The following AHNAK variants were observed in gnomAD, a reference collection of about 807,000 sequenced individuals.
The protein encoded by AHNAK is AHNAK nucleoprotein.
A neutral mutation model predicts 37.8 loss-of-function variants in AHNAK; 23 were observed. The observed-to-expected ratio is 0.61, with a 90% CI of 0.44 to 0.86. AHNAK has a LOEUF of 0.86. Ranked by LOEUF, AHNAK falls within the 40% of genes least tolerant of loss-of-function variation. The probability of loss-of-function intolerance (pLI) is 0.00; values close to 1 mark genes in which losing one functional copy is unlikely to be tolerated. For missense variants in AHNAK, 7,411 were observed against 7,319.4 expected (o/e 1.01, Z -0.46); for synonymous variants, 2,481 against 2,636.3 (o/e 0.94, Z 1.80).
intron 4 of AHNAK, among the ~76,000 whole-genome samples, chr11:62,504,117 C>T (rs1939763592): frequency 1.3e-5 from 2 of 151,964 alleles, no homozygotes; most frequent in South Asian, 4.2e-4. Flanking sequence ...GCCAAGATCA[C>T]ACCACTGCAC....
intron 5 of AHNAK, among the ~76,000 whole-genome samples, chr11:62,442,054 A>G (rs779892412): frequency 2.2e-4 from 33 of 152,194 alleles, no homozygotes; most frequent in Non-Finnish European, 4.1e-4. Context: ...TGGAGCTGCC[A>G]TCATACAGAA....
rs141172382 is a variant in AHNAK at position 62,528,585 on chromosome 11, C to A, written c.5832G>T (p.Val1944=). 2,695 of 1,611,980 alleles carry A rather than the reference C, an allele frequency of 1.7e-3. 47 individuals are homozygous for A. In the African/African-American group the frequency reaches 0.03, roughly 18 times the overall value. ...PKVKGDVDVS[V]PKLEGDLTGP... ...CTGTTAAATCTCCCTCCAATTTTGG[C>A]ACCGACACATCCACATCCCCTTTGA... Residue 1944 remains valine (V), a synonymous_variant, in exon 5 of 5, where the codon GTG becomes GTT. Transcript: ENST00000378024.
chr11:62,507,374 AAACT>A (rs2134179176), intron 4 of AHNAK, among the ~76,000 whole-genome samples: 1 of 152,376 alleles, frequency 6.6e-6, no homozygotes, highest in Admixed American at 6.5e-5. Context: ...TGCCTCACAC[AAACT>A]AAGAGTATAT....
chr11:62,454,412 CAAA>C (rs5792260), intron 5 of AHNAK, among the ~76,000 whole-genome samples: 66 of 126,128 alleles, frequency 5.2e-4, no homozygotes, highest in Admixed American at 6.2e-4. Context: ...GACTCCATCT[CAAA>C]AAAAAAAAAA....
intron 5 of AHNAK, among the ~76,000 whole-genome samples, chr11:62,448,058 G>A (rs1938454750): frequency 6.6e-6 from 1 of 152,032 alleles, no homozygotes; most frequent in Non-Finnish European, 1.5e-5. Context: ...GCCACGCAAA[G>A]GCAAGGACGA....
At chr11:62,446,411 CACCCATG>C (rs1938423818) in intron 5 of AHNAK, among the ~76,000 whole-genome samples, 1 of 152,188 alleles carries the variant, frequency 6.6e-6, no homozygotes, top group Non-Finnish European at 1.5e-5. Flanking sequence ...ATAATAGCCA[CACCCATG>C]ACTATATACT....
At chr11:62,542,516 G>A (rs1167136665) in intron 1 of AHNAK, among the ~76,000 whole-genome samples, 1 of 151,654 alleles carries the variant, frequency 6.6e-6, no homozygotes, top group Admixed American at 6.6e-5. Context: ...TCAGCCAGCT[G>A]GTTGCTTTCT....
chr11:62,445,874 G>A (rs558735383), intron 5 of AHNAK, among the ~76,000 whole-genome samples: 1 of 152,182 alleles, frequency 6.6e-6, no homozygotes, highest in South Asian at 2.1e-4. Flanking sequence ...AAGTTAGCTG[G>A]GCGTGGTAGC....
In AHNAK at chr11:62,521,693, C is replaced by T. The variant is rs1940250371; in HGVS notation, c.12724G>A (p.Gly4242Ser). The T allele has an allele frequency of 6.2e-7, 1 of 1,613,942 alleles. No individual in the cohort carries two copies. The highest frequency in any genetic ancestry group is 8.5e-7 in the Non-Finnish European group (1 of 1,179,996). The change falls in exon 5 of 5, where the codon GGC becomes AGC. Residue 4242 changes from glycine (G) to serine (S), a missense_variant. Physicochemically the swap from Gly to Ser is moderately conservative, Grantham distance 56 (BLOSUM62 0). Transcript: ENST00000378024. ...NIEGPDAKLK[G>S]PKFKMPEMNI... ...ATCTCAGGCATCTTGAATTTAGGGC[C>T]CTTTAGTTTCGCATCTGGACCTTCG... is the stretch of plus-strand genomic sequence containing the variant.
intron 5 of AHNAK, among the ~76,000 whole-genome samples, chr11:62,443,137 C>T (rs960057871): frequency 2.7e-5 from 4 of 150,562 alleles, no homozygotes; most frequent in Admixed American, 6.6e-5. Context: ...ACTTCACTCC[C>T]GGCTAATTTT....
Position 62,523,724 on chromosome 11 carries a change from G to T in AHNAK, c.10693C>A (p.Leu3565Ile). ...PKVKGDVDIS[L>I]PKLEGDLKGP... Reference sequence around the variant, plus strand: ...TTCAGATCCCCTTCAAGTTTGGGAAGAGAAATATCCACATCACCTTTCACC... The same window carrying T: ...TTCAGATCCCCTTCAAGTTTGGGAATAGAAATATCCACATCACCTTTCACC... The change falls in exon 5 of 5, where the codon CTT (leucine) becomes ATT (isoleucine). Residue 3565 changes from leucine (L) to isoleucine (I), a missense_variant. Leu to Ile is a conservative substitution (Grantham distance 5). Transcript: ENST00000378024. 6.2e-7 allele frequency: 1 copy of T among 1,613,066 alleles called. No individual in the cohort carries two copies. The highest frequency in any genetic ancestry group is 8.5e-7 in the Non-Finnish European group (1 of 1,179,776).
Position 62,530,546 on chromosome 11 carries a change from C to A in AHNAK, c.3871G>T (p.Asp1291Tyr), listed in dbSNP as rs140648787. 33 of 1,611,924 alleles carry A rather than the reference C, an allele frequency of 2.0e-5. No individual in the cohort carries two copies. The highest frequency in any genetic ancestry group is 2.6e-5 in the Non-Finnish European group (31 of 1,179,600). The change falls in exon 5 of 5, where the codon GAT becomes TAT. Residue 1291 changes from aspartate to tyrosine, a missense_variant. Asp to Tyr is a radical substitution (Grantham distance 160). Coordinates refer to ENST00000378024, the MANE Select transcript of AHNAK (RefSeq NM_001620.3). ...ADIDVSGPKV[D>Y]VEVPDVSLEG... is the part of the protein sequence containing the mutation. ...AGGCTCACATCTGGGACTTCAACAT[C>A]CACCTTGGGTCCTGAGACATCAATG...
intron 4 of AHNAK, among the ~76,000 whole-genome samples, chr11:62,494,213 T>C (rs1158055073): frequency 6.6e-6 from 1 of 152,106 alleles, no homozygotes. Flanking sequence ...ATTCTAATAA[T>C]AATCAGATAT....
rs150847983 is a variant in AHNAK, at chr11:62,490,807, C to T, written c.442+925G>A. Among the ~76,000 whole-genome samples the T allele has an allele frequency of 8.9e-3, 1,285 of 145,026 alleles. 12 individuals are homozygous for T. Among genetic ancestry groups the T allele is most frequent in the Non-Finnish European group, 0.013 (907 of 67,834 alleles). On this transcript the variant is annotated intron_variant, in intron 5 of 5. Transcript: ENST00000257247. Reference sequence around the variant, plus strand: ...ATTGTTTTGTTTTGTTTTTTTGGGACGGAATATCACTCTGTCGTCGCCCAG... The same window carrying T: ...ATTGTTTTGTTTTGTTTTTTTGGGATGGAATATCACTCTGTCGTCGCCCAG...
chr11:62,532,765 G>T lies in AHNAK; in HGVS notation c.1652C>A (p.Thr551Asn), dbSNP rs747523744. The T allele has an allele frequency of 3.7e-6, 6 of 1,614,090 alleles. No individual in the cohort carries two copies. In the Admixed American group the frequency reaches 8.3e-5, roughly 22 times the overall value. Reference sequence around the variant, plus strand: ...ACTGCCAAGCCTAGGGCCTGTCAAGGTTCCCTCTAGGTTTGGTGTCTCTAT... The same window carrying T: ...ACTGCCAAGCCTAGGGCCTGTCAAGTTTCCCTCTAGGTTTGGTGTCTCTAT... ...VDIETPNLEG[T>N]LTGPRLGSPS... The change falls in exon 5 of 5, where the codon ACC becomes AAC. Residue 551 changes from threonine to asparagine, a missense_variant. By Grantham distance (65) the Thr-to-Asn change is moderately conservative. Coordinates refer to ENST00000378024, the MANE Select transcript of AHNAK (RefSeq NM_001620.3).
chr11:62,436,582 A>G (rs1007848221), intron 5 of AHNAK, among the ~76,000 whole-genome samples: 1 of 151,790 alleles, frequency 6.6e-6, no homozygotes, highest in Non-Finnish European at 1.5e-5. Context: ...TGCTCCATAA[A>G]TTATTATTGT....
intron 1 of AHNAK, among the ~76,000 whole-genome samples, chr11:62,545,301 C>T (rs374697678): frequency 2.6e-5 from 4 of 152,370 alleles, no homozygotes; most frequent in African/African-American, 7.2e-5. Flanking sequence ...CCGTTCCCCA[C>T]CTTGTTGTGG....
In AHNAK at chr11:62,521,066, C is replaced by G. The variant is rs139937846; in HGVS notation, c.13351G>C (p.Glu4451Gln). 3 of 1,613,972 alleles carry G rather than the reference C, an allele frequency of 1.9e-6. No individual in the cohort carries two copies. The African/African-American group carries it at 4.0e-5, about 22-fold the overall frequency. The change falls in exon 5 of 5, where the codon GAG becomes CAG. Residue 4451 changes from glutamate (E) to glutamine (Q), a missense_variant. Coordinates refer to ENST00000378024, the MANE Select transcript of AHNAK (RefSeq NM_001620.3). ...KLKGPKFKMP[E>Q]MNIKAPKISM... ...ATTTTGGGAGCTTTGATGTTCATCT[C>G]AGGCATCTTAAATTTGGGCCCCTTC...
At chr11:62,464,211 T>C (rs1322719214) in intron 5 of AHNAK, among the ~76,000 whole-genome samples, 2 of 151,750 alleles carry the variant, frequency 1.3e-5, no homozygotes, top group African/African-American at 4.8e-5. Context: ...AATCTGCTAA[T>C]CTTTTTCTTT....
Sources: allele counts gnomAD v4.1 joint callset (sites outside exome capture counted in the v4.1 genomes callset), GRCh38; gene constraint gnomAD v4.1.1; transcripts MANE v1.5; gene names NCBI Gene and HGNC (gene_info 2026-07-23, HGNC 2026-07-21).